PRKN: variants seen among roughly 807,000 people sequenced by gnomAD.
The protein encoded by PRKN is parkin RBR E3 ubiquitin protein ligase.
Under a neutral mutation model 59.5 loss-of-function variants are expected in PRKN, and 56 were observed. That is an observed-to-expected ratio of 0.94 (90% confidence interval 0.76 to 1.18). The LOEUF (loss-of-function observed/expected upper bound fraction) is 1.18, where lower values mean the gene tolerates loss of function less well. PRKN is among the 50% of genes most tolerant of loss of function. The probability of loss-of-function intolerance (pLI) is 0.00; values close to 1 mark genes in which losing one functional copy is unlikely to be tolerated. For synonymous variants in PRKN, 250 were observed against 222.1 expected, an observed-to-expected ratio of 1.13 and a Z score of -1.12; for missense variants, 657 against 596.4, an observed-to-expected ratio of 1.10 and a Z score of -1.06.
rs115745767 is a variant in PRKN at position 161,527,633 on chromosome 6, C to G, written c.1083+21221G>C. Among the ~76,000 whole-genome samples, 1 of 152,216 alleles carries G rather than the reference C, an allele frequency of 6.6e-6. No homozygotes were observed. The highest frequency in any genetic ancestry group is 1.5e-5 in the Non-Finnish European group (1 of 68,042). On this transcript the variant is annotated intron_variant, in intron 9 of 11. Coordinates refer to ENST00000366898, the MANE Select transcript of PRKN (RefSeq NM_004562.3). This position sits in a 1 kb window ranked among gnomAD's most constrained non-coding sequence, Gnocchi z 4.6. Reference sequence around the variant, plus strand: ...AAAAGGTGGGGAGGCAAAGAGGACACGCACTGCATCTTCTTCCCTTGCACT... The same window carrying G: ...AAAAGGTGGGGAGGCAAAGAGGACAGGCACTGCATCTTCTTCCCTTGCACT...
At position 161,581,575 on chromosome 6, in the gene PRKN, G is replaced by A. The variant is rs1371632960; in HGVS notation, c.872-12159C>T. 6.6e-6 allele frequency among the ~76,000 whole-genome samples: 1 copy of A among 152,206 alleles called. No homozygotes were observed. Among genetic ancestry groups the A allele is most frequent in the African/African-American group, 2.4e-5 (1 of 41,436 alleles). On this transcript the variant is annotated intron_variant, in intron 7 of 11. Transcript: ENST00000366898. This position sits in a 1 kb window ranked among gnomAD's most constrained non-coding sequence, Gnocchi z 4.5. ...TGAGGTTTGAGTCACTGGACAATCA[G>A]AAGCAAAGACTTACTTATGGACAAG... is the stretch of plus-strand genomic sequence containing the variant.
chr6:162,642,432 A>T (rs954675066), intron 1 of PRKN, among the ~76,000 whole-genome samples: 1 of 152,178 alleles, frequency 6.6e-6, no homozygotes, highest in Non-Finnish European at 1.5e-5. Flanking sequence ...ATTTAATTTT[A>T]ATCCAAATTT....
At chr6:162,404,383 G>GA (rs1787958639) in intron 2 of PRKN, among the ~76,000 whole-genome samples, 1 of 137,050 alleles carries the variant, frequency 7.3e-6, no homozygotes, top group African/African-American at 2.8e-5. Flanking sequence ...AAAAAAAAAA[G>GA]AAAGAAAGAA....
rs1487095434 is a variant in PRKN, at chr6:161,397,399, G to C, written c.1084-10522C>G. On this transcript the variant is annotated intron_variant, in intron 9 of 11. Transcript: ENST00000366898. The surrounding 1 kb of genome is among the most constrained non-coding windows in gnomAD (Gnocchi z 4.2). ...AGGGTCCCATAGAAGAGATCCAGGC[G>C]GGTTGAGGTCAGTGGGTAAGAGCAC... 2.0e-5 allele frequency among the ~76,000 whole-genome samples: 3 copies of C among 152,170 alleles called. No individual in the cohort carries two copies. The highest frequency in any genetic ancestry group is 7.2e-5 in the African/African-American group (3 of 41,432).
intron 6 of PRKN, among the ~76,000 whole-genome samples, chr6:161,815,690 G>A (rs968342385): frequency 6.6e-6 from 1 of 152,216 alleles, no homozygotes; most frequent in African/African-American, 2.4e-5. Context: ...TGCCTTCAGA[G>A]AGTGGCCAGG....
intron 4 of PRKN, among the ~76,000 whole-genome samples, chr6:162,117,014 G>A (rs927074294): frequency 6.6e-6 from 1 of 152,208 alleles, no homozygotes; most frequent in Non-Finnish European, 1.5e-5. Flanking sequence ...TTTCAGCTCA[G>A]TGAAGTATGT....
At chr6:161,534,709 T>A (rs1779350138) in intron 9 of PRKN, among the ~76,000 whole-genome samples, 1 of 152,258 alleles carries the variant, frequency 6.6e-6, no homozygotes, top group African/African-American at 2.4e-5. Flanking sequence ...ATCACCTCTG[T>A]GTGCCTGTAG....
At position 162,435,348 on chromosome 6, in the gene PRKN, CT is replaced by C. The variant is rs373795564; in HGVS notation, c.171+7961del. Among the ~76,000 whole-genome samples the C allele has an allele frequency of 6.6e-3, 981 of 147,936 alleles. 5 individuals carry two copies. The highest frequency in any genetic ancestry group is 0.019 in the African/African-American group (752 of 40,484). On this transcript the variant is annotated intron_variant, in intron 2 of 11. Transcript: ENST00000366898. The stretch of plus-strand genomic sequence containing the variant: ...ATCTTATAAGCTATAAGAATCTTAG[CT>C]TTTTTTTTTTCTTCAAGTCTATGCT...
intron 6 of PRKN, among the ~76,000 whole-genome samples, chr6:161,803,968 G>A (rs9458380): frequency 0.023 from 3,494 of 152,334 alleles, 143 homozygotes; most frequent in African/African-American, 0.08. Flanking sequence ...TTGCCGATGT[G>A]TAGAGGTCAG....
intron 4 of PRKN, among the ~76,000 whole-genome samples, chr6:162,111,292 C>G (rs1195106592): frequency 6.6e-6 from 1 of 151,992 alleles, no homozygotes; most frequent in Non-Finnish European, 1.5e-5. Flanking sequence ...AGTGAAACCC[C>G]GTCTCTACTA....
chr6:162,440,629 C>T (rs770842498), intron 2 of PRKN, among the ~76,000 whole-genome samples: 5 of 151,992 alleles, frequency 3.3e-5, no homozygotes, highest in Non-Finnish European at 5.9e-5. Flanking sequence ...ATAAAGAATA[C>T]GAAACCAGGA....
chr6:161,499,509 G>A lies in PRKN; in HGVS notation c.1083+49345C>T, dbSNP rs145778041. Among the ~76,000 whole-genome samples the A allele has an allele frequency of 8.3e-4, 127 of 152,132 alleles. No homozygotes were observed. The highest frequency in any genetic ancestry group is 3.0e-3 in the African/African-American group (123 of 41,508). On this transcript the variant is annotated intron_variant, in intron 9 of 11. Coordinates refer to ENST00000366898, the MANE Select transcript of PRKN (RefSeq NM_004562.3). This position sits in a 1 kb window ranked among gnomAD's most constrained non-coding sequence, Gnocchi z 4.2. ...TCACCTGTTGCTTCTTATTGGCTTT[G>A]GAATGTGGGACCTCTCTTCTAGCCT...
chr6:161,351,528 T>C (rs989989157), intron 11 of PRKN, among the ~76,000 whole-genome samples: 11 of 152,118 alleles, frequency 7.2e-5, no homozygotes, highest in African/African-American at 2.7e-4. Flanking sequence ...TTTTGCCATG[T>C]TGGCCAGGCT....
At chr6:162,481,845 T>C (rs1792324997) in intron 1 of PRKN, among the ~76,000 whole-genome samples, 1 of 152,198 alleles carries the variant, frequency 6.6e-6, no homozygotes, top group Non-Finnish European at 1.5e-5. Flanking sequence ...GTCCTTTATA[T>C]GGGCCAACAT....
intron 1 of PRKN, among the ~76,000 whole-genome samples, chr6:162,545,481 T>C (rs907949173): frequency 2.6e-5 from 4 of 152,120 alleles, no homozygotes; most frequent in African/African-American, 9.7e-5. Context: ...AGTAAGTTGC[T>C]TGCCAGAGCA....
intron 4 of PRKN, among the ~76,000 whole-genome samples, chr6:162,066,906 G>A (rs1047242601): frequency 1.9e-4 from 29 of 152,108 alleles, no homozygotes; most frequent in African/African-American, 5.8e-4. Flanking sequence ...CTTCTTTTAT[G>A]GTAACAGAAT....
At chr6:161,661,478 C>A (rs994596974) in intron 7 of PRKN, among the ~76,000 whole-genome samples, 7 of 152,150 alleles carry the variant, frequency 4.6e-5, no homozygotes, top group African/African-American at 1.7e-4. Context: ...ACCACAGAGG[C>A]CTTCCCTGAC....
intron 4 of PRKN, among the ~76,000 whole-genome samples, chr6:162,114,181 T>C (rs1780567030): frequency 6.6e-6 from 1 of 152,184 alleles, no homozygotes; most frequent in Non-Finnish European, 1.5e-5. Flanking sequence ...TGGCTCAGGA[T>C]TGACTTGGCG....
intron 5 of PRKN, among the ~76,000 whole-genome samples, chr6:162,033,724 T>TA (rs1434035028): frequency 6.6e-6 from 1 of 152,222 alleles, no homozygotes; most frequent in Non-Finnish European, 1.5e-5. Context: ...ATCATAAAGC[T>TA]AATTTTCAGA....
Sources: gnomAD v4.1 joint callset for allele counts (sites outside exome capture counted in the v4.1 genomes callset) on GRCh38, gnomAD v4.1.1 for gene constraint, Gnocchi (gnomAD v3.1) non-coding constraint, MANE v1.5 for transcripts, NCBI Gene and HGNC (gene_info 2026-07-23, HGNC 2026-07-21) for gene names.